PTPRZ1: variants seen among roughly 807,000 people sequenced by gnomAD.
PTPRZ1 encodes the protein receptor-type tyrosine-protein phosphatase zeta.
In PTPRZ1, 82 loss-of-function variants were observed where a neutral mutation model predicts 214.1. That is an observed-to-expected ratio of 0.38 (90% CI 0.32 to 0.46). The LOEUF (loss-of-function observed/expected upper bound fraction) is 0.46, where lower values mean the gene tolerates loss of function less well. PTPRZ1 is among the 20% of genes least tolerant of loss of function. The pLI, the probability that PTPRZ1 is intolerant of heterozygous loss-of-function variation, is 1.00. For missense variants in PTPRZ1, 2,603 were observed against 2,748.7 expected (o/e 0.95, Z 1.19); for synonymous variants, 945 against 987.9 (o/e 0.96, Z 0.81).
chr7:122,037,540 T>C (rs754397902), intron 18 of PTPRZ1, among the ~76,000 whole-genome samples: 62 of 152,184 alleles, frequency 4.1e-4, no homozygotes, highest in Non-Finnish European at 6.5e-4. Flanking sequence ...ATCACCTGAA[T>C]GTCAGCAGAA....
At chr7:121,924,580 T>G (rs1473115518) in intron 1 of PTPRZ1, among the ~76,000 whole-genome samples, 1 of 152,184 alleles carries the variant, frequency 6.6e-6, no homozygotes, top group African/African-American at 2.4e-5. Flanking sequence ...AGGATAAATG[T>G]TCATTGTGTA....
rs559125468 is a variant in PTPRZ1 at position 121,891,403 on chromosome 7, C to T, written c.58+17846C>T. Reference sequence around the variant, plus strand: ...GGAGCCCCAGACCCTAGCATAATGCCTGGTATATGATAGGTGCTTAGTAAA... The same window carrying T: ...GGAGCCCCAGACCCTAGCATAATGCTTGGTATATGATAGGTGCTTAGTAAA... On this transcript the variant is annotated intron_variant, in intron 1 of 29. Coordinates refer to ENST00000393386, the MANE Select transcript of PTPRZ1 (RefSeq NM_002851.3). Among the ~76,000 whole-genome samples the T allele has an allele frequency of 1.4e-4, 20 of 142,880 alleles. No homozygotes were observed. The South Asian group carries it at 4.4e-3, about 31-fold the overall frequency. The allele number at this position is 142,880 out of a possible 152,430, so 93.7% of individuals were successfully genotyped here.
chr7:122,024,893 GCCCATCCAGCCA>G (rs1799163207), intron 13 of PTPRZ1, among the ~76,000 whole-genome samples: 1 of 152,070 alleles, frequency 6.6e-6, no homozygotes, highest in Admixed American at 6.6e-5. Flanking sequence ...CGATCCATCT[GCCCATCCAGCCA>G]CCCATTCGTC....
intron 23 of PTPRZ1, 60 bp from the exon 24 acceptor site, chr7:122,051,368 T>C (rs1792178060): frequency 1.8e-6 from 2 of 1,089,188 alleles, no homozygotes; most frequent in Non-Finnish European, 2.8e-6. Flanking sequence ...TATGTGTGTG[T>C]GTGTGTATTT....
At chr7:121,890,786 C>G (rs983026675) in intron 1 of PTPRZ1, among the ~76,000 whole-genome samples, 1 of 152,056 alleles carries the variant, frequency 6.6e-6, no homozygotes, top group African/African-American at 2.4e-5. Context: ...CCTCCTACCT[C>G]GGCCTCCTGA....
intron 1 of PTPRZ1, among the ~76,000 whole-genome samples, chr7:121,927,347 A>G (rs985221571): frequency 3.9e-5 from 6 of 152,238 alleles, no homozygotes; most frequent in African/African-American, 1.4e-4. Context: ...TTAAGGGACA[A>G]TCATACAGGA....
At position 122,061,161 on chromosome 7, in the gene PTPRZ1, A is replaced by T. The variant is rs200989122; in HGVS notation, c.6889A>T (p.Ser2297Cys). ...AGAGAATCCATCCACCTCTCTGGACAGTAATGGTGCAGCATTGCCTGATGG... is the reference window on the plus strand; with the variant it reads ...AGAGAATCCATCCACCTCTCTGGACTGTAATGGTGCAGCATTGCCTGATGG... ...QEENPSTSLD[S>C]NGAALPDGNI... Residue 2297 changes from serine to cysteine, a missense_variant, in exon 30 of 30, where the codon AGT becomes TGT. By Grantham distance (112) the Ser-to-Cys change is moderately radical. Around this residue, in one of 6 missense-constraint regions of PTPRZ1, gnomAD observed 165 missense variants for 151.4 expected, o/e 1.09. Coordinates refer to ENST00000393386, the MANE Select transcript of PTPRZ1 (RefSeq NM_002851.3). 3 of 1,610,942 alleles carry T rather than the reference A, an allele frequency of 1.9e-6. No homozygotes were observed. The highest frequency in any genetic ancestry group is 2.5e-6 in the Non-Finnish European group (3 of 1,177,914).
chr7:122,032,502 A>G (rs1799411427), intron 15 of PTPRZ1, among the ~76,000 whole-genome samples: 1 of 152,064 alleles, frequency 6.6e-6, no homozygotes. Flanking sequence ...AGAGCTTCAT[A>G]TTGCATTTTT....
At chr7:122,051,572 C>A in intron 24 of PTPRZ1, 51 bp downstream of exon 24, 3 of 1,491,668 alleles carry the variant, frequency 2.0e-6, no homozygotes, top group Non-Finnish European at 2.8e-6. Context: ...TAATAAAAGC[C>A]TTGTAGGAAA....
At chr7:121,929,183 C>T (rs1314020165) in intron 2 of PTPRZ1, among the ~76,000 whole-genome samples, 1 of 151,880 alleles carries the variant, frequency 6.6e-6, no homozygotes, top group African/African-American at 2.4e-5. Context: ...ATTTTATTTC[C>T]CTCAGGAATA....
At chr7:121,905,677 A>ACACACACACACACACACAC (rs368191821) in intron 1 of PTPRZ1, among the ~76,000 whole-genome samples, 36 of 151,850 alleles carry the variant, frequency 2.4e-4, no homozygotes, top group East Asian at 5.8e-4. Flanking sequence ...ACACACACAC[A>ACACACACACACACACACAC]AATGGTGGGC....
intron 13 of PTPRZ1, among the ~76,000 whole-genome samples, chr7:122,021,766 A>T (rs1799023440): frequency 6.6e-6 from 1 of 152,132 alleles, no homozygotes; most frequent in South Asian, 2.1e-4. Flanking sequence ...TGATGGTTTT[A>T]TGTATATGTT....
chr7:122,015,716 G>A (rs1334605004), intron 12 of PTPRZ1, among the ~76,000 whole-genome samples: 1 of 152,014 alleles, frequency 6.6e-6, no homozygotes, highest in African/African-American at 2.4e-5. Flanking sequence ...TATATATAAT[G>A]AGATGCTAAA....
chr7:122,057,896 A>G (rs1357821484), intron 27 of PTPRZ1, among the ~76,000 whole-genome samples: 1 of 151,168 alleles, frequency 6.6e-6, no homozygotes, highest in Non-Finnish European at 1.5e-5. Flanking sequence ...TGTGATACCC[A>G]TTGTCCCACC....
chr7:121,910,261 C>A (rs1795231773), intron 1 of PTPRZ1, among the ~76,000 whole-genome samples: 1 of 152,172 alleles, frequency 6.6e-6, no homozygotes, highest in African/African-American at 2.4e-5. Context: ...CAGCAAGGTT[C>A]CCCTTGACCA....
chr7:122,012,845 G>T lies in PTPRZ1; in HGVS notation c.3799G>T (p.Glu1267Ter). The change falls in exon 12 of 30, where the codon GAG becomes TAG. Residue 1267 changes from glutamate (E) to a stop codon, truncating the protein, a stop_gained. Transcript: ENST00000393386. LOFTEE classifies it high-confidence loss of function. The part of the protein sequence containing the change: ...LQGLTISYAS[E>*]KYEPVLLKSE... ...AGGTTTGACCATTTCCTATGCAAGT[G>T]AGAAATATGAACCAGTTTTGTTAAA... The T allele has an allele frequency of 6.2e-7, 1 of 1,613,742 alleles. No individual in the cohort carries two copies. The highest frequency in any genetic ancestry group is 1.1e-5 in the South Asian group (1 of 91,076).
At chr7:121,957,384 C>T (rs760672881) in intron 2 of PTPRZ1, among the ~76,000 whole-genome samples, 10 of 152,004 alleles carry the variant, frequency 6.6e-5, no homozygotes, top group Non-Finnish European at 1.0e-4. Context: ...CGGAATGCAG[C>T]GTTGCACGAG....
intron 2 of PTPRZ1, among the ~76,000 whole-genome samples, chr7:121,937,600 G>A (rs1352057794): frequency 1.3e-5 from 2 of 152,154 alleles, no homozygotes; most frequent in African/African-American, 4.8e-5. Context: ...AGGTGCATGT[G>A]GTGCAGGCAT....
intron 2 of PTPRZ1, among the ~76,000 whole-genome samples, chr7:121,964,644 G>A (rs1721857): frequency 0.56 from 85,377 of 151,902 alleles, 24,467 homozygotes; most frequent in African/African-American, 0.66. Flanking sequence ...AACAATGAAT[G>A]AGCATAATTA....
Sources: gnomAD v4.1 joint callset for allele counts (sites outside exome capture counted in the v4.1 genomes callset) on GRCh38, gnomAD v4.1.1 for gene constraint, gnomAD v4.1.1 regional missense constraint, MANE v1.5 for transcripts, NCBI Gene and HGNC (gene_info 2026-07-23, HGNC 2026-07-21) for gene names.